CSGALNACT1: variants seen among roughly 807,000 people sequenced by gnomAD.
CSGALNACT1 encodes the protein chondroitin sulfate N-acetylgalactosaminyltransferase 1.
CSGALNACT1 carries 52 observed loss-of-function variants against 51.0 expected under a neutral mutation model. The ratio of observed to expected loss-of-function variants is 1.02; its 90% CI spans 0.82 to 1.29. The LOEUF (loss-of-function observed/expected upper bound fraction) is 1.29. Among genes scored for constraint, CSGALNACT1 ranks in the 50% most tolerant of loss-of-function variants. CSGALNACT1 has a pLI of 0.00. For synonymous variants in CSGALNACT1, 341 were observed against 254.4 expected, an observed-to-expected ratio of 1.34 and a Z score of -3.24; for missense variants, 935 against 679.2, an observed-to-expected ratio of 1.38 and a Z score of -4.19.
chr8:19,556,514 C>G (rs942438455), intron 3 of CSGALNACT1, among the ~76,000 whole-genome samples: 1 of 152,062 alleles, frequency 6.6e-6, no homozygotes, highest in East Asian at 1.9e-4. Flanking sequence ...GCTTTGGCAT[C>G]AATTCAGAGT....
chr8:19,663,584 C>A (rs995956201), intron 1 of CSGALNACT1, among the ~76,000 whole-genome samples: 1 of 152,160 alleles, frequency 6.6e-6, no homozygotes, highest in South Asian at 2.1e-4. Context: ...AGCCTGGGTA[C>A]AGTGGTACCT....
chr8:19,517,617 G>C (rs1445172782), intron 3 of CSGALNACT1, among the ~76,000 whole-genome samples: 1 of 152,140 alleles, frequency 6.6e-6, no homozygotes, highest in African/African-American at 2.4e-5. Flanking sequence ...GTTCCACATG[G>C]CTGGGGAGGC....
chr8:19,566,922 C>T (rs2042016133), intron 3 of CSGALNACT1, among the ~76,000 whole-genome samples: 1 of 152,178 alleles, frequency 6.6e-6, no homozygotes, highest in Admixed American at 6.5e-5. Context: ...GAGGCCCTTG[C>T]CATGAGAAAG....
chr8:19,633,496 G>A (rs1014129890), intron 1 of CSGALNACT1, among the ~76,000 whole-genome samples: 12 of 152,196 alleles, frequency 7.9e-5, no homozygotes, highest in African/African-American at 2.7e-4. Context: ...GTTATACTGA[G>A]ATAGGGCAGG....
At chr8:19,531,042 C>T (rs1169483922) in intron 3 of CSGALNACT1, among the ~76,000 whole-genome samples, 3 of 152,148 alleles carry the variant, frequency 2.0e-5, no homozygotes, top group African/African-American at 2.4e-5. Context: ...AATCTGAACC[C>T]GTGGTTTCTT....
At chr8:19,529,001 G>A (rs1046628596) in intron 3 of CSGALNACT1, among the ~76,000 whole-genome samples, 32 of 152,140 alleles carry the variant, frequency 2.1e-4, no homozygotes, top group Admixed American at 2.0e-3. Flanking sequence ...ACCAAATGGC[G>A]AGTAGATGGG....
At position 19,757,582 on chromosome 8, in the gene CSGALNACT1, G is replaced by C. The variant is rs1261626883; in HGVS notation, c.-297+268C>G. ...CGGTTTACGCGTGACTGGACACCAAGAGCCGGAGAAGTTTAGAGACTAGGA... is the reference window on the plus strand; with the variant it reads ...CGGTTTACGCGTGACTGGACACCAACAGCCGGAGAAGTTTAGAGACTAGGA... On this transcript the variant is annotated intron_variant, in intron 1 of 1. Coordinates refer to the CSGALNACT1 transcript ENST00000517494. This position sits in a 1 kb window ranked among gnomAD's most constrained non-coding sequence, Gnocchi z 4.0. Among the ~76,000 whole-genome samples the C allele has an allele frequency of 1.3e-5, 2 of 152,184 alleles. No homozygotes were observed. The highest frequency in any genetic ancestry group is 1.5e-5 in the Non-Finnish European group (1 of 68,020).
chr8:19,513,460 A>ATG (rs2078895491), intron 3 of CSGALNACT1, among the ~76,000 whole-genome samples: 1 of 143,722 alleles, frequency 7.0e-6, no homozygotes, highest in Admixed American at 7.0e-5. Context: ...ATATATATAT[A>ATG]TATTTTGTGC....
At chr8:19,568,636 A>G (rs755734500) in intron 3 of CSGALNACT1, among the ~76,000 whole-genome samples, 1 of 152,222 alleles carries the variant, frequency 6.6e-6, no homozygotes, top group African/African-American at 2.4e-5. Flanking sequence ...GCTGGAATCT[A>G]AAGTCTAAAG....
intron 3 of CSGALNACT1, among the ~76,000 whole-genome samples, chr8:19,561,208 A>G (rs1366918705): frequency 6.6e-6 from 1 of 152,212 alleles, no homozygotes; most frequent in Non-Finnish European, 1.5e-5. Flanking sequence ...ATGGAAGGTT[A>G]TGGACAATCT....
intron 3 of CSGALNACT1, among the ~76,000 whole-genome samples, chr8:19,549,786 G>T (rs1371580360): frequency 6.8e-6 from 1 of 148,084 alleles, no homozygotes; most frequent in African/African-American, 2.5e-5. Context: ...TTCTACCGTT[G>T]CATTTGGCTG....
chr8:19,645,939 G>T (rs1044715272), intron 1 of CSGALNACT1, among the ~76,000 whole-genome samples: 4 of 152,096 alleles, frequency 2.6e-5, no homozygotes, highest in African/African-American at 9.7e-5. Context: ...ACGGTAAAAA[G>T]AATCCCACCA....
chr8:19,702,656 G>T (rs1319071469), intron 1 of CSGALNACT1, among the ~76,000 whole-genome samples: 4 of 152,116 alleles, frequency 2.6e-5, no homozygotes, highest in African/African-American at 9.7e-5. Flanking sequence ...CACCTGGAAT[G>T]CTCCATCTCA....
chr8:19,754,011 T>G (rs2065203801), intron 1 of CSGALNACT1, among the ~76,000 whole-genome samples: 1 of 151,118 alleles, frequency 6.6e-6, no homozygotes, highest in South Asian at 2.1e-4. Flanking sequence ...GATAAAACAC[T>G]TTTTAAAGGT....
intron 1 of CSGALNACT1, among the ~76,000 whole-genome samples, chr8:19,728,145 G>A (rs1226157987): frequency 1.3e-5 from 2 of 152,082 alleles, no homozygotes; most frequent in Non-Finnish European, 2.9e-5. Flanking sequence ...TAGACATTCG[G>A]TGCCTCCGTT....
intron 8 of CSGALNACT1, among the ~76,000 whole-genome samples, chr8:19,413,188 G>C (rs570112603): frequency 4.6e-5 from 7 of 152,190 alleles, no homozygotes; most frequent in Admixed American, 2.0e-4. Flanking sequence ...AATCATGCTG[G>C]ACAAGGAGTC....
At chr8:19,708,036 C>T (rs894802777) in intron 1 of CSGALNACT1, among the ~76,000 whole-genome samples, 3 of 152,012 alleles carry the variant, frequency 2.0e-5, no homozygotes, top group African/African-American at 7.2e-5. Flanking sequence ...TAGATATAAA[C>T]AACAAAAAAA....
chr8:19,584,237 T>C (rs551441290), intron 3 of CSGALNACT1, among the ~76,000 whole-genome samples: 1 of 152,202 alleles, frequency 6.6e-6, no homozygotes, highest in Non-Finnish European at 1.5e-5. Context: ...ATTTGAGAAA[T>C]CTTGTGATCC....
chr8:19,452,645 G>A (rs2063389542), intron 5 of CSGALNACT1, among the ~76,000 whole-genome samples: 1 of 152,144 alleles, frequency 6.6e-6, no homozygotes, highest in Admixed American at 6.5e-5. Context: ...TGCTGAAGAT[G>A]AGCAAGTGAG....
Sources: allele counts gnomAD v4.1 joint callset (sites outside exome capture counted in the v4.1 genomes callset), GRCh38; gene constraint gnomAD v4.1.1; non-coding constraint Gnocchi (gnomAD v3.1); transcripts MANE v1.5; gene names NCBI Gene and HGNC (gene_info 2026-07-23, HGNC 2026-07-21).